The following FANCC variants were observed in gnomAD, a reference collection of about 807,000 sequenced individuals.
FANCC encodes FA complementation group C, also known as Fanconi anemia group C protein.
A neutral mutation model predicts 71.3 loss-of-function variants in FANCC; 55 were observed. The ratio of observed to expected loss-of-function variants is 0.77; its 90% CI spans 0.62 to 0.97. The LOEUF is 0.97. Among genes scored for constraint, FANCC ranks in the 50% least tolerant of loss-of-function variants. The probability of loss-of-function intolerance (pLI) is 0.00; values close to 1 mark genes in which losing one functional copy is unlikely to be tolerated. For synonymous variants in FANCC, 275 were observed against 244.9 expected (o/e 1.12, Z -1.15); for missense variants, 678 against 670.9 (o/e 1.01, Z -0.12).
chr9:95,111,164 T>G, intron 13 of FANCC: 3 of 1,535,648 alleles, frequency 2.0e-6, no homozygotes, highest in Non-Finnish European at 2.6e-6. Context: ...GACGCGACCC[T>G]GGGGCAGATA....
At chr9:95,148,300 C>T (rs933423882) in intron 7 of FANCC, among the ~76,000 whole-genome samples, 1 of 152,226 alleles carries the variant, frequency 6.6e-6, no homozygotes, top group Non-Finnish European at 1.5e-5. Flanking sequence ...AAGCACTCCA[C>T]TTGTACACCT....
Position 95,117,416 on chromosome 9 carries a change from A to G in FANCC, c.997-26T>C, listed in dbSNP as rs575355657. 472 of 1,601,150 alleles carry G rather than the reference A, an allele frequency of 2.9e-4. 6 individuals are homozygous for G. The South Asian group carries it at 4.9e-3, about 16-fold the overall frequency. On this transcript the variant is annotated intron_variant, in intron 10 of 14. Transcript: ENST00000289081. The stretch of plus-strand genomic sequence containing the variant: ...CTGCCACAGGATGGAAAATCCAAAG[A>G]GCATGAACATTAAGATTGAAACGGG...
At chr9:95,201,551 A>T (rs571909435) in intron 4 of FANCC, among the ~76,000 whole-genome samples, 1 of 152,244 alleles carries the variant, frequency 6.6e-6, no homozygotes, top group East Asian at 1.9e-4. Flanking sequence ...TTCCCTCCGT[A>T]TTTTCTTCAA....
chr9:95,171,930 A>G (rs949474995), intron 5 of FANCC, 107 bp downstream of exon 5: 5 of 754,338 alleles, frequency 6.6e-6, no homozygotes, highest in Non-Finnish European at 1.2e-5. Context: ...TAAACAAAGA[A>G]AAGTTAAACA....
intron 2 of FANCC, among the ~76,000 whole-genome samples, chr9:95,248,171 C>T (rs561988021): frequency 6.6e-6 from 1 of 152,148 alleles, no homozygotes. Flanking sequence ...TATTGTACAA[C>T]CGGACCTTTT....
chr9:95,270,973 C>T (rs1179647301), intron 1 of FANCC, among the ~76,000 whole-genome samples: 1 of 152,158 alleles, frequency 6.6e-6, no homozygotes, highest in African/African-American at 2.4e-5. Context: ...CCCTTCTTAA[C>T]GAGACTGGAA....
At chr9:95,112,875 C>T (rs1005650558) in intron 12 of FANCC, among the ~76,000 whole-genome samples, 2 of 152,336 alleles carry the variant, frequency 1.3e-5, no homozygotes, top group South Asian at 2.1e-4. Context: ...GCACCACATG[C>T]GCCCTTTCTG....
At chr9:95,132,966 C>T (rs1277468494) in intron 8 of FANCC, among the ~76,000 whole-genome samples, 1 of 152,226 alleles carries the variant, frequency 6.6e-6, no homozygotes, top group African/African-American at 2.4e-5. Context: ...GACCATCACA[C>T]TTTAATTACT....
chr9:95,202,697 G>C (rs1239375828), intron 4 of FANCC, among the ~76,000 whole-genome samples: 1 of 152,208 alleles, frequency 6.6e-6, no homozygotes. Context: ...ACTAAAAATA[G>C]AAAGTGTGAA....
intron 6 of FANCC, among the ~76,000 whole-genome samples, chr9:95,153,707 A>G (rs1467394960): frequency 1.3e-5 from 2 of 152,158 alleles, no homozygotes; most frequent in African/African-American, 4.8e-5. Context: ...TAGATTCTGA[A>G]TACTAGTCCT....
At position 95,117,396 on chromosome 9, in the gene FANCC, A is replaced by G. The variant is rs1057524604; in HGVS notation, c.997-6T>C. 3 of 1,612,890 alleles carry G rather than the reference A, an allele frequency of 1.9e-6. No individual in the cohort carries two copies. The highest frequency in any genetic ancestry group is 2.5e-6 in the Non-Finnish European group (3 of 1,179,408). ...GTCTTGAGTGCAAACCGCAGCTGCC[A>G]CAGGATGGAAAATCCAAAGAGCATG... On this transcript the variant is annotated splice_region_variant and splice_polypyrimidine_tract_variant and intron_variant, in intron 10 of 14. Coordinates refer to ENST00000289081, the MANE Select transcript of FANCC (RefSeq NM_000136.3).
intron 1 of FANCC, among the ~76,000 whole-genome samples, chr9:95,312,783 C>T (rs927944972): frequency 2.6e-5 from 4 of 152,088 alleles, no homozygotes; most frequent in Non-Finnish European, 4.4e-5. Flanking sequence ...GAGGTGGGTG[C>T]CCTAAGGAAA....
At chr9:95,303,945 T>C (rs559539907) in intron 1 of FANCC, among the ~76,000 whole-genome samples, 5 of 152,228 alleles carry the variant, frequency 3.3e-5, no homozygotes, top group Non-Finnish European at 5.9e-5. Context: ...AGTTTCCAGA[T>C]TGAAAGGGCT....
chr9:95,123,670 C>T (rs1391408557), intron 10 of FANCC: 5 of 649,814 alleles, frequency 7.7e-6, no homozygotes, highest in South Asian at 1.4e-5. Context: ...CTGCAGCAGT[C>T]AGGGACATTT....
intron 4 of FANCC, among the ~76,000 whole-genome samples, chr9:95,223,101 CA>C (rs1403849277): frequency 6.6e-6 from 1 of 152,184 alleles, no homozygotes; most frequent in African/African-American, 2.4e-5. Context: ...CCATGGTTAA[CA>C]TTTTTTTGTA....
intron 1 of FANCC, chr9:95,294,024 T>C: frequency 3.1e-6 from 5 of 1,597,498 alleles, no homozygotes; most frequent in Non-Finnish European, 3.4e-6. Context: ...TTGAGAAATG[T>C]GCACCAATTA....
intron 13 of FANCC, among the ~76,000 whole-genome samples, chr9:95,108,961 A>G (rs929469977): frequency 1.6e-4 from 25 of 151,600 alleles, no homozygotes; most frequent in African/African-American, 5.8e-4. Context: ...GCTGGAATGC[A>G]GTGGTGCAAT....
chr9:95,217,241 T>G (rs1169832885), intron 4 of FANCC, among the ~76,000 whole-genome samples: 1 of 152,210 alleles, frequency 6.6e-6, no homozygotes, highest in East Asian at 1.9e-4. Flanking sequence ...ATCCCAGCAC[T>G]TTGGGAGGCC....
intron 1 of FANCC, among the ~76,000 whole-genome samples, chr9:95,265,117 C>T (rs554202540): frequency 1.4e-4 from 21 of 152,048 alleles, no homozygotes; most frequent in Non-Finnish European, 2.5e-4. Context: ...CTGGCTATTT[C>T]TCTGTTGAGT....
Sources: allele counts gnomAD v4.1 joint callset (sites outside exome capture counted in the v4.1 genomes callset), GRCh38; gene constraint gnomAD v4.1.1; transcripts MANE v1.5; gene names NCBI Gene and HGNC (gene_info 2026-07-23, HGNC 2026-07-21).